The following ANKS1B variants were observed in gnomAD, a reference collection of about 807,000 sequenced individuals.
ANKS1B encodes the protein ankyrin repeat and sterile alpha motif domain-containing protein 1B.
Under a neutral mutation model 148.3 loss-of-function variants are expected in ANKS1B, and 36 were observed. The ratio of observed to expected loss-of-function variants is 0.24; its 90% confidence interval spans 0.19 to 0.32. The LOEUF (loss-of-function observed/expected upper bound fraction) is 0.32, where lower values mean the gene tolerates loss of function less well. Ranked by LOEUF, ANKS1B falls within the 10% of genes least tolerant of loss-of-function variation. The probability of loss-of-function intolerance (pLI) is 1.00; values close to 1 mark genes in which losing one functional copy is unlikely to be tolerated. For synonymous variants in ANKS1B, 542 were observed against 560.8 expected (o/e 0.97, Z 0.47); for missense variants, 1,157 against 1,542.6 (o/e 0.75, Z 4.19).
At chr12:99,811,993 C>T (rs2068431611) in intron 3 of ANKS1B, among the ~76,000 whole-genome samples, 162 bp downstream of exon 3, 1 of 151,888 alleles carries the variant, frequency 6.6e-6, no homozygotes. Flanking sequence ...CCCTGCATAT[C>T]ATATCCAAAC....
intron 8 of ANKS1B, among the ~76,000 whole-genome samples, chr12:99,687,450 G>A (rs188077519): frequency 7.2e-5 from 11 of 152,162 alleles, no homozygotes; most frequent in Non-Finnish European, 1.3e-4. Flanking sequence ...TCCCTTTCAG[G>A]ATGTCAGTTA....
intron 25 of ANKS1B, among the ~76,000 whole-genome samples, chr12:98,759,224 T>C (rs1256568379): frequency 2.0e-5 from 3 of 152,194 alleles, no homozygotes; most frequent in Non-Finnish European, 2.9e-5. Flanking sequence ...CAGCTTATAT[T>C]TACTGTGGTT....
At chr12:99,332,839 G>C (rs1279297544) in intron 12 of ANKS1B, among the ~76,000 whole-genome samples, 1 of 151,924 alleles carries the variant, frequency 6.6e-6, no homozygotes, top group Non-Finnish European at 1.5e-5. Context: ...CCTATTCAGA[G>C]AACTTTAAGT....
At chr12:99,124,397 T>A (rs554754738) in intron 15 of ANKS1B, among the ~76,000 whole-genome samples, 1 of 150,120 alleles carries the variant, frequency 6.7e-6, no homozygotes, top group Non-Finnish European at 1.5e-5. Flanking sequence ...AATAAAAGCA[T>A]GCACAAACTT....
At chr12:98,796,088 C>T (rs1814842350) in intron 22 of ANKS1B, among the ~76,000 whole-genome samples, 1 of 152,108 alleles carries the variant, frequency 6.6e-6, no homozygotes, top group African/African-American at 2.4e-5. Flanking sequence ...TATGGTAATA[C>T]TTCTACCACT....
At chr12:99,064,571 G>A (rs2043464513) in intron 16 of ANKS1B, among the ~76,000 whole-genome samples, 1 of 152,182 alleles carries the variant, frequency 6.6e-6, no homozygotes, top group Admixed American at 6.5e-5. Flanking sequence ...GGGAAAAAAG[G>A]TCAACCGCTA....
At chr12:99,086,755 T>C (rs1367036871) in intron 15 of ANKS1B, among the ~76,000 whole-genome samples, 1 of 152,226 alleles carries the variant, frequency 6.6e-6, no homozygotes. Flanking sequence ...TCTCTTTAAA[T>C]TGAGGCGTCT....
intron 15 of ANKS1B, among the ~76,000 whole-genome samples, chr12:99,100,580 A>G (rs10777956): frequency 0.55 from 84,388 of 152,064 alleles, 24,486 homozygotes; most frequent in East Asian, 0.74. Context: ...CCCAGGCTGG[A>G]GTGCAGTGGC....
chr12:99,700,962 G>T (rs952127301), intron 8 of ANKS1B, among the ~76,000 whole-genome samples: 2 of 152,208 alleles, frequency 1.3e-5, no homozygotes, highest in Admixed American at 1.3e-4. Flanking sequence ...GTAATATCTT[G>T]TAAGGAATGC....
At chr12:99,154,878 ACACCTCG>A in intron 14 of ANKS1B, 2 of 1,534,910 alleles carry the variant, frequency 1.3e-6, no homozygotes, top group South Asian at 2.4e-5. Flanking sequence ...AGCCCAGGCT[ACACCTCG>A]CATTTTCAAT....
intron 17 of ANKS1B, among the ~76,000 whole-genome samples, chr12:98,915,304 C>T (rs1596815360): frequency 6.6e-6 from 1 of 152,184 alleles, no homozygotes; most frequent in East Asian, 1.9e-4. Context: ...TGGAGCAGAT[C>T]TTTCAGACTT....
chr12:98,937,405 A>G (rs2099819801), intron 17 of ANKS1B, among the ~76,000 whole-genome samples: 1 of 151,462 alleles, frequency 6.6e-6, no homozygotes, highest in Admixed American at 6.6e-5. Context: ...TCCTCTGGGG[A>G]CCCTCCAGCT....
chr12:99,317,290 C>T (rs2084313079), intron 12 of ANKS1B, among the ~76,000 whole-genome samples: 2 of 152,132 alleles, frequency 1.3e-5, no homozygotes, highest in Non-Finnish European at 2.9e-5. Flanking sequence ...TTGATTCTTC[C>T]TATCTGTGAG....
chr12:99,154,155 C>A, intron 15 of ANKS1B, 134 bp downstream of exon 15: 1 of 1,104,572 alleles, frequency 9.1e-7, no homozygotes, highest in South Asian at 1.6e-5. Context: ...CTAAGGGCAT[C>A]CAATTTTCCA....
At chr12:99,195,513 T>C (rs950274980) in intron 14 of ANKS1B, among the ~76,000 whole-genome samples, 1 of 152,028 alleles carries the variant, frequency 6.6e-6, no homozygotes, top group Non-Finnish European at 1.5e-5. Flanking sequence ...TAAAAGTTAC[T>C]TAAGAAAGAA....
At chr12:99,226,856 A>T (rs997961251) in intron 14 of ANKS1B, among the ~76,000 whole-genome samples, 3 of 152,224 alleles carry the variant, frequency 2.0e-5, no homozygotes, top group African/African-American at 7.2e-5. Context: ...AGGATTTTCA[A>T]GCCACTCAAA....
intron 13 of ANKS1B, 33 bp from the exon 14 acceptor site, chr12:99,244,447 T>C: frequency 1.5e-6 from 2 of 1,374,058 alleles, no homozygotes; most frequent in Non-Finnish European, 1.0e-6. Flanking sequence ...AAATGGATTG[T>C]TACATTCACT....
intron 1 of ANKS1B, among the ~76,000 whole-genome samples, chr12:99,903,662 A>G (rs1231886640): frequency 6.6e-6 from 1 of 152,178 alleles, no homozygotes; most frequent in East Asian, 1.9e-4. Flanking sequence ...TATCCAAAAT[A>G]GTATCATGGT....
rs78400635 is a variant in ANKS1B, at chr12:99,337,477, T to C, written c.1756+62154A>G. Among the ~76,000 whole-genome samples the C allele has an allele frequency of 5.2e-4, 79 of 152,270 alleles. No homozygotes were observed. In the East Asian group the frequency reaches 0.015, roughly 28 times the overall value. ...CTCTGTCTGAAAGGTTACATATCTG[T>C]CTCTCCAGGATGCTCACTGGTATCT... On this transcript the variant is annotated intron_variant, in intron 12 of 26. Transcript: ENST00000683438.
Sources: gnomAD v4.1 joint callset for allele counts (sites outside exome capture counted in the v4.1 genomes callset) on GRCh38, gnomAD v4.1.1 for gene constraint, MANE v1.5 for transcripts, NCBI Gene and HGNC (gene_info 2026-07-23, HGNC 2026-07-21) for gene names.